FOXP1: variants seen among roughly 807,000 people sequenced by gnomAD.
The protein encoded by FOXP1 is forkhead box P1.
FOXP1 carries 15 observed loss-of-function variants against 98.2 expected under a neutral mutation model. That is an observed-to-expected ratio of 0.15 (90% CI 0.10 to 0.24). The LOEUF is 0.24. Among genes scored for constraint, FOXP1 ranks in the 10% least tolerant of loss-of-function variants. The pLI, the probability that FOXP1 is intolerant of heterozygous loss-of-function variation, is 1.00. For synonymous variants in FOXP1, 371 were observed against 314.5 expected (o/e 1.18, Z -1.90); for missense variants, 633 against 848.5 (o/e 0.75, Z 3.15).
At chr3:71,430,590 T>C (rs1388658142) in intron 3 of FOXP1, among the ~76,000 whole-genome samples, 1 of 152,084 alleles carries the variant, frequency 6.6e-6, no homozygotes, top group East Asian at 1.9e-4. Flanking sequence ...TTCTAGAAAT[T>C]ATTTGGTTCC....
At chr3:71,271,443 TA>T (rs2070339401) in intron 5 of FOXP1, among the ~76,000 whole-genome samples, 1 of 152,070 alleles carries the variant, frequency 6.6e-6, no homozygotes, top group South Asian at 2.1e-4. Context: ...AAACACAACT[TA>T]AGAGAAAATT....
chr3:70,989,584 TA>T (rs1559655081), intron 13 of FOXP1, among the ~76,000 whole-genome samples: 3 of 148,906 alleles, frequency 2.0e-5, no homozygotes, highest in Non-Finnish European at 4.5e-5. Context: ...CCATTATTAT[TA>T]TTTTTTTTAA....
intron 3 of FOXP1, among the ~76,000 whole-genome samples, chr3:71,474,375 T>C (rs561048466): frequency 6.6e-6 from 1 of 152,322 alleles, no homozygotes; most frequent in Non-Finnish European, 1.5e-5. Context: ...CCTGGGTATT[T>C]CTAGACAGAT....
At chr3:70,997,276 G>T (rs1575993547) in intron 13 of FOXP1, among the ~76,000 whole-genome samples, 1 of 152,194 alleles carries the variant, frequency 6.6e-6, no homozygotes, top group East Asian at 1.9e-4. Flanking sequence ...CAGGTTCTAT[G>T]GGCACAATGA....
intron 7 of FOXP1, among the ~76,000 whole-genome samples, chr3:71,054,816 AT>A (rs1349338322): frequency 6.6e-6 from 1 of 152,222 alleles, no homozygotes; most frequent in Non-Finnish European, 1.5e-5. Context: ...TAACCGTAAT[AT>A]TTAAGCATCT....
intron 3 of FOXP1, among the ~76,000 whole-genome samples, chr3:71,476,639 C>A (rs1013364515): frequency 6.6e-6 from 1 of 151,622 alleles, no homozygotes; most frequent in Admixed American, 6.6e-5. Context: ...TACAGGCACC[C>A]GCCATCATGC....
At chr3:71,145,508 C>T (rs2060267649) in intron 6 of FOXP1, among the ~76,000 whole-genome samples, 1 of 152,190 alleles carries the variant, frequency 6.6e-6, no homozygotes, top group Non-Finnish European at 1.5e-5. Flanking sequence ...TACCACTGCA[C>T]TCCAGCCTGG....
chr3:71,023,038 C>T lies in FOXP1; in HGVS notation c.870-7385G>A, dbSNP rs377372190. On this transcript the variant is annotated intron_variant, in intron 11 of 20. Coordinates refer to ENST00000649528, the MANE Select transcript of FOXP1 (RefSeq NM_001349338.3). Reference sequence around the variant, plus strand: ...ACAAACCAAAAGGCACTATGCATCCCCTTTCCCACCTCCTTTGACTTAAAA... The same window carrying T: ...ACAAACCAAAAGGCACTATGCATCCTCTTTCCCACCTCCTTTGACTTAAAA... Among the ~76,000 whole-genome samples the T allele has an allele frequency of 6.6e-5, 10 of 152,246 alleles. No homozygotes were observed. In the East Asian group the frequency reaches 1.7e-3, roughly 26 times the overall value.
intron 11 of FOXP1, among the ~76,000 whole-genome samples, chr3:71,034,463 GC>G (rs1266010232): frequency 6.6e-6 from 1 of 151,912 alleles, no homozygotes; most frequent in Non-Finnish European, 1.5e-5. Flanking sequence ...ATCATTCTGG[GC>G]CCCAGCTGCA....
intron 4 of FOXP1, among the ~76,000 whole-genome samples, chr3:71,322,667 C>A (rs897623914): frequency 6.6e-6 from 1 of 151,970 alleles, no homozygotes; most frequent in Non-Finnish European, 1.5e-5. Flanking sequence ...TCTTGGTGAC[C>A]GGCATGGAAT....
chr3:71,378,649 G>A (rs914227298), intron 3 of FOXP1, among the ~76,000 whole-genome samples: 8 of 152,078 alleles, frequency 5.3e-5, no homozygotes, highest in Non-Finnish European at 1.2e-4. Context: ...CAAAGTCGAA[G>A]AGTAGTGATG....
intron 5 of FOXP1, among the ~76,000 whole-genome samples, chr3:71,280,133 A>C (rs1291771091): frequency 1.0e-4 from 8 of 77,420 alleles, no homozygotes; most frequent in Non-Finnish European, 1.1e-4. Flanking sequence ...AAACAAAAAA[A>C]AAAAAAAAAA....
At chr3:71,321,485 A>G (rs1379501097) in intron 4 of FOXP1, among the ~76,000 whole-genome samples, 2 of 152,248 alleles carry the variant, frequency 1.3e-5, no homozygotes, top group Non-Finnish European at 2.9e-5. Context: ...TGGGCTATAT[A>G]TAACACATAA....
intron 12 of FOXP1, among the ~76,000 whole-genome samples, chr3:71,005,336 A>AAAC (rs2042653054): frequency 6.7e-6 from 1 of 149,832 alleles, no homozygotes; most frequent in African/African-American, 2.4e-5. Context: ...AAAAAAAAAA[A>AAAC]AAAAACCAGA....
chr3:71,407,502 A>G (rs961957540), intron 3 of FOXP1, among the ~76,000 whole-genome samples: 1 of 152,204 alleles, frequency 6.6e-6, no homozygotes, highest in African/African-American at 2.4e-5. Context: ...AAAATAGAAA[A>G]AGATTAGCCC....
intron 5 of FOXP1, among the ~76,000 whole-genome samples, chr3:71,274,231 CCATTTTAACTATGTTG>C (rs1398204069): frequency 6.6e-6 from 1 of 152,152 alleles, no homozygotes; most frequent in Non-Finnish European, 1.5e-5. Context: ...AGGGATTTAT[CCATTTTAACTATGTTG>C]CAAACAGGAA....
At chr3:71,353,614 G>C (rs1482225317) in intron 4 of FOXP1, among the ~76,000 whole-genome samples, 1 of 152,072 alleles carries the variant, frequency 6.6e-6, no homozygotes, top group Non-Finnish European at 1.5e-5. Context: ...TAAGTTGCAA[G>C]AGTACAAGTT....
chr3:71,345,623 T>C (rs140319330), intron 4 of FOXP1, among the ~76,000 whole-genome samples: 1 of 152,128 alleles, frequency 6.6e-6, no homozygotes, highest in East Asian at 1.9e-4. Context: ...CCTGCTTATT[T>C]TGGCGATGAA....
intron 4 of FOXP1, among the ~76,000 whole-genome samples, chr3:71,346,017 T>C (rs187387209): frequency 3.1e-4 from 47 of 151,892 alleles, no homozygotes; most frequent in Admixed American, 2.8e-3. Context: ...AACTAAACTC[T>C]CAGACTGAGA....
Sources: gnomAD v4.1 joint callset for allele counts (sites outside exome capture counted in the v4.1 genomes callset) on GRCh38, gnomAD v4.1.1 for gene constraint, MANE v1.5 for transcripts, NCBI Gene and HGNC (gene_info 2026-07-23, HGNC 2026-07-21) for gene names.